The following CAST variants were observed in gnomAD, a reference collection of about 807,000 sequenced individuals.
CAST encodes MIR583 host.
CAST carries 76 observed loss-of-function variants against 119.6 expected under a neutral mutation model. The observed-to-expected ratio is 0.64, with a 90% CI of 0.53 to 0.77. The LOEUF is 0.77. CAST is among the 30% of genes least tolerant of loss of function. The probability of loss-of-function intolerance (pLI) is 0.00; values close to 1 mark genes in which losing one functional copy is unlikely to be tolerated. For missense variants in CAST, 953 were observed against 946.5 expected (o/e 1.01, Z -0.09); for synonymous variants, 319 against 331.6 (o/e 0.96, Z 0.41).
the CAST span, among the ~76,000 whole-genome samples, chr5:96,425,009 AAAGAAAGAAAG>A: frequency 1.2e-4 from 1 of 8,632 alleles, no homozygotes. Flanking sequence ...GAAAGAAAGA[AAAGAAAGAAAG>A]AAAGAAAGAA....
the CAST span, among the ~76,000 whole-genome samples, chr5:95,976,518 A>G: frequency 1.3e-5 from 2 of 152,172 alleles, no homozygotes; most frequent in Non-Finnish European, 2.9e-5. Flanking sequence ...CTAACTTTTC[A>G]TGGCAAAACT....
At chr5:96,257,343 A>G in the CAST span, among the ~76,000 whole-genome samples, 3 of 152,212 alleles carry the variant, frequency 2.0e-5, no homozygotes, top group African/African-American at 7.2e-5. Flanking sequence ...TTCTGATCAA[A>G]TGCATTACAA....
chr5:96,505,463 A>C, the CAST span, among the ~76,000 whole-genome samples: 330 of 152,236 alleles, frequency 2.2e-3, 1 homozygote, highest in Non-Finnish European at 3.2e-3. Flanking sequence ...TGGGCAACAG[A>C]GTGGGACTCC....
At chr5:96,388,198 G>A in the CAST span, among the ~76,000 whole-genome samples, 431 of 152,272 alleles carry the variant, frequency 2.8e-3, 1 homozygote, top group Non-Finnish European at 4.2e-3. Flanking sequence ...AATGATGGGC[G>A]CATAATGACT....
chr5:96,582,118 C>A (rs1427351292), intron 1 of CAST, among the ~76,000 whole-genome samples: 6 of 152,146 alleles, frequency 3.9e-5, no homozygotes, highest in Non-Finnish European at 2.9e-5. Flanking sequence ...CACCAGCCTG[C>A]ATTATTTCTA....
chr5:96,227,339 T>C, the CAST span, among the ~76,000 whole-genome samples: 7 of 152,328 alleles, frequency 4.6e-5, 1 homozygote, highest in South Asian at 1.4e-3. Context: ...TTACTTAGCC[T>C]TTTACATCTT....
At chr5:96,407,089 A>G in the CAST span, among the ~76,000 whole-genome samples, 3 of 152,248 alleles carry the variant, frequency 2.0e-5, no homozygotes, top group Non-Finnish European at 4.4e-5. Context: ...AATAAAAGAC[A>G]TATAATTAAT....
chr5:96,568,235 T>C (rs1304540693), intron 1 of CAST, among the ~76,000 whole-genome samples: 1 of 152,068 alleles, frequency 6.6e-6, no homozygotes, highest in Non-Finnish European at 1.5e-5. Context: ...TGTCATACAT[T>C]GTTGACAGAT....
intron 2 of CAST, among the ~76,000 whole-genome samples, chr5:96,683,380 T>C (rs1159004132): frequency 6.6e-6 from 1 of 152,174 alleles, no homozygotes; most frequent in African/African-American, 2.4e-5. Context: ...AATGAAAAAA[T>C]AGAAACTTCT....
chr5:96,383,067 G>A, the CAST span, among the ~76,000 whole-genome samples: 6 of 152,146 alleles, frequency 3.9e-5, no homozygotes, highest in East Asian at 1.9e-4. Flanking sequence ...CTTACATTCC[G>A]TTCGGGGAGA....
rs961687528 is a variant in CAST at position 96,753,906 on chromosome 5, A to T, written c.1525-154A>T. ...TCGAATGTTAAACGTTTTGTTTTTT[A>T]AACATAGATTCTAATTCAGTTGATA... is the stretch of plus-strand genomic sequence containing the variant. On this transcript the variant is annotated intron_variant, in intron 20 of 31. Coordinates refer to ENST00000675179, the MANE Select transcript of CAST (RefSeq NM_001750.7). Among the ~76,000 whole-genome samples, 78 of 152,208 alleles carry T rather than the reference A, an allele frequency of 5.1e-4. 1 individual carries two copies. The highest frequency in any genetic ancestry group is 1.8e-3 in the African/African-American group (76 of 41,448).
intron 1 of CAST, among the ~76,000 whole-genome samples, chr5:96,655,652 T>C (rs1748148105): frequency 6.6e-6 from 1 of 152,252 alleles, no homozygotes; most frequent in African/African-American, 2.4e-5. Flanking sequence ...TTAGCTCATC[T>C]TAGTAGTAGG....
the CAST span, among the ~76,000 whole-genome samples, chr5:96,006,341 A>G: frequency 6.6e-6 from 1 of 151,864 alleles, no homozygotes; most frequent in Non-Finnish European, 1.5e-5. Context: ...ATATACACTA[A>G]CACCAACAAT....
chr5:96,362,833 G>A, the CAST span, among the ~76,000 whole-genome samples: 1 of 151,998 alleles, frequency 6.6e-6, no homozygotes, highest in African/African-American at 2.4e-5. Context: ...AAGCTCTTTA[G>A]TTTAATTAGA....
chr5:96,576,468 C>T (rs891030398), intron 1 of CAST, among the ~76,000 whole-genome samples: 7 of 151,818 alleles, frequency 4.6e-5, no homozygotes, highest in South Asian at 2.1e-4. Flanking sequence ...CCTCAGCCTC[C>T]GGAGTAACTG....
In CAST at chr5:96,754,161, G is replaced by A. The variant is rs1033807518; in HGVS notation, c.1626G>A (p.Lys542=). ...GAAAACCTGTGATGGATAAAGTCAA[G>A]GTAATGGCAACTGAGATGCTTCTGG... ...EDGKPVMDKV[K]EKAKEEDREK... The change falls in exon 21 of 32, where the codon AAG becomes AAA. Residue 542 remains lysine (K), a splice_region_variant and synonymous_variant. Coordinates refer to ENST00000675179, the MANE Select transcript of CAST (RefSeq NM_001750.7). 5 of 1,570,034 alleles carry A rather than the reference G, an allele frequency of 3.2e-6. No individual in the cohort carries two copies. The highest frequency in any genetic ancestry group is 3.5e-6 in the Non-Finnish European group (4 of 1,139,924).
chr5:96,557,604 G>GA (rs1452234695), intron 1 of CAST, among the ~76,000 whole-genome samples: 1 of 151,646 alleles, frequency 6.6e-6, no homozygotes, highest in East Asian at 1.9e-4. Flanking sequence ...GATCAAAAGA[G>GA]ACAAGGCCAT....
the CAST span, among the ~76,000 whole-genome samples, chr5:96,304,345 A>G: frequency 3.9e-5 from 6 of 152,184 alleles, 1 homozygote; most frequent in East Asian, 1.2e-3. Context: ...TATTCTGGAT[A>G]TTAGCCCTTT....
the CAST span, among the ~76,000 whole-genome samples, chr5:96,109,171 A>C: frequency 6.6e-6 from 1 of 152,220 alleles, no homozygotes; most frequent in African/African-American, 2.4e-5. Context: ...GGAAATGCAG[A>C]AATCACCCGT....
Sources: gnomAD v4.1 joint callset for allele counts (sites outside exome capture counted in the v4.1 genomes callset) on GRCh38, gnomAD v4.1.1 for gene constraint, MANE v1.5 for transcripts, NCBI Gene and HGNC (gene_info 2026-07-23, HGNC 2026-07-21) for gene names.